ACSM2B: variants seen among roughly 807,000 people sequenced by gnomAD.
The protein encoded by ACSM2B is acyl-CoA synthetase medium chain family member 2B, also known as acyl-coenzyme A synthetase ACSM2B, mitochondrial.
A neutral mutation model predicts 78.6 loss-of-function variants in ACSM2B; 58 were observed. The observed-to-expected ratio is 0.74, with a 90% CI of 0.60 to 0.92. The LOEUF (loss-of-function observed/expected upper bound fraction) is 0.92. Ranked by LOEUF, ACSM2B falls within the 40% of genes least tolerant of loss-of-function variation. The probability of loss-of-function intolerance (pLI) is 0.00; values close to 1 mark genes in which losing one functional copy is unlikely to be tolerated. For synonymous variants in ACSM2B, 257 were observed against 256.8 expected (o/e 1.00, Z -0.01); for missense variants, 688 against 711.2 (o/e 0.97, Z 0.37).
intron 1 of ACSM2B, among the ~76,000 whole-genome samples, chr16:20,566,193 T>C (rs1459347866): frequency 7.2e-6 from 1 of 139,804 alleles, no homozygotes; most frequent in East Asian, 2.0e-4. Context: ...TGTGCCTTTC[T>C]TCCTTCCAAG....
Position 20,566,659 on chromosome 16 carries a change from T to TATA in ACSM2B, c.-8-1807_-8-1806insTAT, listed in dbSNP as rs374224028. Reference sequence around the variant, plus strand: ...GTATATATATACTATACTATATATATGTATATATAGTATATACATATAGTA... The same window carrying TATA: ...GTATATATATACTATACTATATATATATAGTATATATAGTATATACATATAGTA... On this transcript the variant is annotated intron_variant, in intron 1 of 13. Coordinates refer to ENST00000329697, the MANE Select transcript of ACSM2B (RefSeq NM_001105069.2). 6.2e-4 allele frequency among the ~76,000 whole-genome samples: 3 copies of TATA among 4,862 alleles called. 1 individual carries two copies. Among genetic ancestry groups the TATA allele is most frequent in the Non-Finnish European group, 7.7e-4 (2 of 2,592 alleles). 3.2% of individuals were successfully genotyped at this position (4,862 alleles called of 152,430 possible). A position where few individuals can be genotyped will look rare whatever the true frequency, so the allele number is the denominator to read the frequency against.
chr16:20,574,635 T>A (rs1200060700), intron 1 of ACSM2B: 1 of 150,210 alleles, frequency 6.7e-6, no homozygotes, highest in East Asian at 2.0e-4. Context: ...CCATTCAGGG[T>A]CCCTGACTTC....
At chr16:20,549,002 C>A (rs2015226629) in intron 6 of ACSM2B, among the ~76,000 whole-genome samples, 1 of 152,192 alleles carries the variant, frequency 6.6e-6, no homozygotes, top group South Asian at 2.1e-4. Flanking sequence ...AGACCTAGTA[C>A]TGAATACTTG....
chr16:20,547,130 T>C, intron 8 of ACSM2B: 1 of 1,022,884 alleles, frequency 9.8e-7, no homozygotes, highest in Non-Finnish European at 1.2e-6. Context: ...TGACCCATCT[T>C]TTCCCGCCAC....
At chr16:20,564,542 T>C in intron 2 of ACSM2B, 127 bp downstream of exon 2, 1 of 1,476,150 alleles carries the variant, frequency 6.8e-7, no homozygotes, top group Non-Finnish European at 9.0e-7. Context: ...AAGATGAGTG[T>C]CTTGTCCATA....
chr16:20,566,693 A>T, intron 1 of ACSM2B, among the ~76,000 whole-genome samples: 2 of 3,928 alleles, frequency 5.1e-4, no homozygotes, highest in African/African-American at 1.2e-3. Flanking sequence ...TATATACTAT[A>T]TATAGTATAT....
rs2015378000 is a variant in ACSM2B, at chr16:20,553,466, G to A, written c.740+311C>T. 2.0e-5 allele frequency among the ~76,000 whole-genome samples: 3 copies of A among 152,286 alleles called. No homozygotes were observed. In the South Asian group the frequency reaches 6.2e-4, roughly 32 times the overall value. On this transcript the variant is annotated intron_variant, in intron 5 of 13. Coordinates refer to ENST00000329697, the MANE Select transcript of ACSM2B (RefSeq NM_001105069.2). ...TGGGCGGTATCAAAGCAAATTGCCA[G>A]CATCCCAAAGAACAACATAGAGATC...
In ACSM2B at chr16:20,555,492, A is replaced by G. The variant is rs563386991; in HGVS notation, c.389-16T>C. ...AAGATGAGACCTAAAGAAGCCAACA[A>G]TTTAGAGAATTGGAAAGGATGGTTT... On this transcript the variant is annotated splice_polypyrimidine_tract_variant and intron_variant, in intron 3 of 13. Transcript: ENST00000329697. 6.8e-5 allele frequency: 110 copies of G among 1,610,892 alleles called. 1 individual carries two copies. In the South Asian group the frequency reaches 8.8e-4, roughly 13 times the overall value.
intron 2 of ACSM2B, among the ~76,000 whole-genome samples, chr16:20,562,699 G>C (rs1381610508): frequency 6.6e-6 from 1 of 152,112 alleles, no homozygotes; most frequent in Non-Finnish European, 1.5e-5. Flanking sequence ...ATTCTGCTAA[G>C]CTATAAGCAT....
At chr16:20,551,656 A>T (rs535329531) in intron 6 of ACSM2B, among the ~76,000 whole-genome samples, 1 of 152,106 alleles carries the variant, frequency 6.6e-6, no homozygotes, top group Admixed American at 6.6e-5. Flanking sequence ...AGTATCTAAC[A>T]CAGCTAAATT....
chr16:20,552,999 G>A lies in ACSM2B; in HGVS notation c.741-702C>T, dbSNP rs76348615. 4.9e-3 allele frequency among the ~76,000 whole-genome samples: 750 copies of A among 152,218 alleles called. 11 individuals carry two copies. The highest frequency in any genetic ancestry group is 0.033 in the South Asian group (158 of 4,794). The stretch of plus-strand genomic sequence containing the variant: ...GAGACCACTACCAAATTTTTTGGGG[G>A]AAGGGGAATTTAATATCTTAGTTAT... On this transcript the variant is annotated intron_variant, in intron 5 of 13. Transcript: ENST00000329697.
chr16:20,562,121 G>GT lies in ACSM2B; in HGVS notation c.177+2547dup, dbSNP rs200022940. On this transcript the variant is annotated intron_variant, in intron 2 of 13. Transcript: ENST00000329697. ...TATTTCTCAGAGACCCTGATTTTAA[G>GT]TTTTTTTTGGTGTATACCCAGAGTT... Among the ~76,000 whole-genome samples, 614 of 151,624 alleles carry GT rather than the reference G, an allele frequency of 4.0e-3. 3 individuals carry two copies. Among genetic ancestry groups the GT allele is most frequent in the Non-Finnish European group, 6.0e-3 (406 of 67,928 alleles).
intron 8 of ACSM2B, chr16:20,547,168 T>G (rs1030072295): frequency 9.9e-7 from 1 of 1,012,174 alleles, no homozygotes; most frequent in Non-Finnish European, 1.2e-6. Flanking sequence ...GCAAGTTGAT[T>G]GACCCACCTC....
intron 6 of ACSM2B, among the ~76,000 whole-genome samples, chr16:20,551,698 C>T (rs1434502924): frequency 6.6e-6 from 1 of 152,118 alleles, no homozygotes; most frequent in Non-Finnish European, 1.5e-5. Flanking sequence ...GATGGTGGCA[C>T]TCTGTGCACT....
rs1220224845 is a variant in ACSM2B at position 20,547,582 on chromosome 16, C to T, written c.1098+480G>A. 7.1e-6 allele frequency: 7 copies of T among 992,118 alleles called. 1 individual carries two copies. Among genetic ancestry groups the T allele is most frequent in the Non-Finnish European group, 3.6e-6 (3 of 831,798 alleles). 61.5% of individuals were successfully genotyped at this position (992,118 alleles called of 1,614,324 possible). A position where few individuals can be genotyped will look rare whatever the true frequency, so the allele number is the denominator to read the frequency against. On this transcript the variant is annotated intron_variant, in intron 8 of 13. Transcript: ENST00000329697. ...TGTGCACATGAGACCTCAAGAGTTC[C>T]AAGAAGATATGTCAGGAGGTGCAGT...
intron 10 of ACSM2B, among the ~76,000 whole-genome samples, chr16:20,543,529 C>G (rs1391016765): frequency 1.3e-5 from 2 of 152,200 alleles, no homozygotes; most frequent in African/African-American, 4.8e-5. Context: ...TTCATTCATC[C>G]ATGCTTAGGG....
At chr16:20,574,139 T>G (rs557732968) in intron 1 of ACSM2B, 2 of 152,238 alleles carry the variant, frequency 1.3e-5, no homozygotes, top group East Asian at 3.9e-4. Context: ...TCCCCAGGGT[T>G]CTTCCATGCT....
intron 3 of ACSM2B, among the ~76,000 whole-genome samples, chr16:20,556,374 G>A (rs1402335942): frequency 9.2e-5 from 14 of 152,192 alleles, no homozygotes; most frequent in African/African-American, 3.4e-4. Context: ...GGCCAAGGAG[G>A]GCAGACTATT....
chr16:20,555,262 T>C lies in ACSM2B; in HGVS notation c.596+7A>G. ...TAAAACCCAGGATGAGACATGTAGA[T>C]ACTCACTTTAGTAGTTTCTTGAAGT... On this transcript the variant is annotated splice_region_variant and intron_variant, in intron 4 of 13. Coordinates refer to ENST00000329697, the MANE Select transcript of ACSM2B (RefSeq NM_001105069.2). The C allele has an allele frequency of 6.2e-7, 1 of 1,613,954 alleles. No homozygotes were observed. Among genetic ancestry groups the C allele is most frequent in the Non-Finnish European group, 8.5e-7 (1 of 1,179,844 alleles).
Sources: allele counts gnomAD v4.1 joint callset (sites outside exome capture counted in the v4.1 genomes callset), GRCh38; gene constraint gnomAD v4.1.1; transcripts MANE v1.5; gene names NCBI Gene and HGNC (gene_info 2026-07-23, HGNC 2026-07-21).